Variants in SLC44A5 observed in about 807,000 individuals in gnomAD.
SLC44A5 encodes choline transporter-like protein 5.
A neutral mutation model predicts 101.8 loss-of-function variants in SLC44A5; 57 were observed. The observed-to-expected ratio is 0.56, with a 90% confidence interval of 0.45 to 0.70. The LOEUF is 0.70. Ranked by LOEUF, SLC44A5 falls within the 30% of genes least tolerant of loss-of-function variation. The pLI is 0.00. For synonymous variants in SLC44A5, 281 were observed against 290.9 expected (o/e 0.97, Z 0.35); for missense variants, 737 against 853.1 (o/e 0.86, Z 1.70).
At chr1:75,432,967 T>C (rs1664697039) in intron 2 of SLC44A5, among the ~76,000 whole-genome samples, 1 of 152,082 alleles carries the variant, frequency 6.6e-6, no homozygotes, top group South Asian at 2.1e-4. Context: ...TCTCTACCTG[T>C]GCTTGGAGTT....
chr1:75,564,771 C>A (rs982236069), intron 1 of SLC44A5, among the ~76,000 whole-genome samples: 2 of 152,022 alleles, frequency 1.3e-5, no homozygotes, highest in Non-Finnish European at 2.9e-5. Flanking sequence ...AGGTGACCGC[C>A]ACCACCAGGC....
intron 2 of SLC44A5, among the ~76,000 whole-genome samples, chr1:75,423,190 C>A (rs1664115651): frequency 6.6e-6 from 1 of 152,180 alleles, no homozygotes; most frequent in South Asian, 2.1e-4. Flanking sequence ...ATACCTATAG[C>A]AATTTCTCAC....
chr1:75,541,992 G>A lies in SLC44A5; in HGVS notation c.-69-476C>T, dbSNP rs72988788. Among the ~76,000 whole-genome samples, 993 of 151,976 alleles carry A rather than the reference G, an allele frequency of 6.5e-3. 9 individuals carry two copies. The highest frequency in any genetic ancestry group is 0.023 in the African/African-American group (967 of 41,448). ...TTTTAGGGCGAGGGGTTTTTTAAAT[G>A]GTATTATATGGCATTTAAAATTATA... On this transcript the variant is annotated intron_variant, in intron 1 of 23. Transcript: ENST00000370859.
chr1:75,284,971 T>G (rs1330745261), intron 5 of SLC44A5, among the ~76,000 whole-genome samples: 1 of 152,052 alleles, frequency 6.6e-6, no homozygotes, highest in Non-Finnish European at 1.5e-5. Flanking sequence ...TATAGATTTT[T>G]TGTGTGTGTT....
chr1:75,299,628 G>A (rs17096643), intron 5 of SLC44A5, among the ~76,000 whole-genome samples: 28,186 of 151,896 alleles, frequency 0.19, 2,748 homozygotes, highest in Middle Eastern at 0.32. Context: ...TATGTCTCTG[G>A]GGAAAAAGAA....
chr1:75,450,537 G>A (rs1427910359), intron 2 of SLC44A5, among the ~76,000 whole-genome samples: 1 of 152,212 alleles, frequency 6.6e-6, no homozygotes, highest in Admixed American at 6.5e-5. Context: ...AGTAGTAGGT[G>A]CTGGAATTTT....
At chr1:75,500,113 T>C (rs544790747) in intron 2 of SLC44A5, among the ~76,000 whole-genome samples, 16 of 152,300 alleles carry the variant, frequency 1.1e-4, no homozygotes, top group African/African-American at 3.8e-4. Flanking sequence ...CTACCATCCC[T>C]AACACACAAG....
intron 1 of SLC44A5, among the ~76,000 whole-genome samples, chr1:75,601,546 A>G (rs192036734): frequency 6.6e-6 from 1 of 152,174 alleles, no homozygotes; most frequent in East Asian, 1.9e-4. Context: ...AAAGAGAGAG[A>G]AATAACATCC....
the SLC44A5 span, among the ~76,000 whole-genome samples, chr1:75,691,300 C>T: frequency 2.0e-5 from 3 of 152,108 alleles, no homozygotes; most frequent in Admixed American, 6.5e-5. Flanking sequence ...AAAATGATAG[C>T]AATGAGATTT....
At chr1:75,219,683 G>T (rs1647036175) in intron 15 of SLC44A5, 117 bp downstream of exon 15, 1 of 662,810 alleles carries the variant, frequency 1.5e-6, no homozygotes, top group Non-Finnish European at 2.6e-6. Context: ...GAAAAAAATA[G>T]TTATTTCTTA....
chr1:75,417,180 A>C (rs570327918), intron 2 of SLC44A5, among the ~76,000 whole-genome samples: 2 of 152,234 alleles, frequency 1.3e-5, no homozygotes, highest in East Asian at 3.9e-4. Context: ...GAGACAATAG[A>C]ATCATGGGGA....
intron 3 of SLC44A5, among the ~76,000 whole-genome samples, chr1:75,390,525 A>C (rs1661716477): frequency 6.6e-6 from 1 of 152,208 alleles, no homozygotes; most frequent in Admixed American, 6.5e-5. Flanking sequence ...ACATGAATCA[A>C]TAAATGTGAC....
At chr1:75,576,059 T>A (rs549416167) in intron 1 of SLC44A5, among the ~76,000 whole-genome samples, 7 of 149,824 alleles carry the variant, frequency 4.7e-5, no homozygotes, top group Admixed American at 1.3e-4. Context: ...TACAGAAAAC[T>A]GCCACCCTAG....
At chr1:75,420,319 T>C (rs1474526282) in intron 2 of SLC44A5, among the ~76,000 whole-genome samples, 2 of 152,046 alleles carry the variant, frequency 1.3e-5, no homozygotes, top group Non-Finnish European at 2.9e-5. Flanking sequence ...AAACAAAGTA[T>C]AGCTATTAAA....
chr1:75,214,986 G>C (rs1334288713), intron 19 of SLC44A5, among the ~76,000 whole-genome samples: 3 of 152,042 alleles, frequency 2.0e-5, no homozygotes, highest in Admixed American at 2.0e-4. Context: ...TAAAATGTTT[G>C]GGCTAGAGTT....
chr1:75,356,657 AG>A (rs1659104075), intron 3 of SLC44A5, among the ~76,000 whole-genome samples: 2 of 152,186 alleles, frequency 1.3e-5, no homozygotes. Flanking sequence ...CCTAATATAC[AG>A]TAATGTCCTA....
intron 2 of SLC44A5, among the ~76,000 whole-genome samples, chr1:75,451,218 G>T (rs1249663861): frequency 3.9e-5 from 6 of 152,146 alleles, no homozygotes; most frequent in Non-Finnish European, 8.8e-5. Context: ...TGAGCAGGGA[G>T]CTCAGACCAC....
Position 75,273,067 on chromosome 1 carries a change from T to A in SLC44A5, c.260+1891A>T, listed in dbSNP as rs528718549. Among the ~76,000 whole-genome samples the A allele has an allele frequency of 3.3e-5, 5 of 151,474 alleles. No homozygotes were observed. The East Asian group carries it at 9.6e-4, about 29-fold the overall frequency. On this transcript the variant is annotated intron_variant, in intron 6 of 23. Coordinates refer to ENST00000370859, the MANE Select transcript of SLC44A5 (RefSeq NM_001130058.2). ...ATCTAGGATTTCTTTCAGCAGTGTTTCGTAGTTTTCCTTGTAGAGATCTTT... is the reference window on the plus strand; with the variant it reads ...ATCTAGGATTTCTTTCAGCAGTGTTACGTAGTTTTCCTTGTAGAGATCTTT...
chr1:75,300,708 A>G, intron 4 of SLC44A5, 23 bp from the exon 5 acceptor site: 1 of 1,528,942 alleles, frequency 6.5e-7, no homozygotes, highest in South Asian at 1.3e-5. Flanking sequence ...AAAGAAATAA[A>G]TAATTAAAAG....
Sources: allele counts gnomAD v4.1 joint callset (sites outside exome capture counted in the v4.1 genomes callset), GRCh38; gene constraint gnomAD v4.1.1; transcripts MANE v1.5; gene names NCBI Gene and HGNC (gene_info 2026-07-23, HGNC 2026-07-21).